CAPRIN2: variants seen among roughly 807,000 people sequenced by gnomAD.
CAPRIN2 encodes the protein caprin family member 2.
CAPRIN2 carries 66 observed loss-of-function variants against 130.4 expected under a neutral mutation model. That is an observed-to-expected ratio of 0.51 (90% confidence interval 0.42 to 0.62). CAPRIN2 has a LOEUF of 0.62. Among genes scored for constraint, CAPRIN2 ranks in the 20% least tolerant of loss-of-function variants. The pLI is 0.00. For missense variants in CAPRIN2, 1,185 were observed against 1,246.6 expected (o/e 0.95, Z 0.74); for synonymous variants, 471 against 444.1 (o/e 1.06, Z -0.76).
chr12:30,719,412 T>G, intron 12 of CAPRIN2, 187 bp from the exon 14 acceptor site: 1 of 610,772 alleles, frequency 1.6e-6, no homozygotes, highest in South Asian at 2.3e-5. Context: ...CAGTATTTGC[T>G]TTGCACAGCT....
intron 2 of CAPRIN2, among the ~76,000 whole-genome samples, chr12:30,748,352 T>C (rs1315468581): frequency 6.6e-6 from 1 of 152,212 alleles, no homozygotes; most frequent in East Asian, 1.9e-4. Context: ...CTGTCAGCAG[T>C]AATCAACACT....
exon 4 of CAPRIN2, chr12:30,735,202 A>G (rs780582529): frequency 1.2e-6 from 2 of 1,612,996 alleles, no homozygotes. Flanking sequence ...TTGCGCTTTT[A>G]GTAGCTGTTA....
chr12:30,723,908 CAA>C (rs1040327637), intron 10 of CAPRIN2, among the ~76,000 whole-genome samples: 4 of 152,166 alleles, frequency 2.6e-5, no homozygotes, highest in African/African-American at 9.7e-5. Flanking sequence ...TGGAGAGAAA[CAA>C]ATGTGGAGCA....
At position 30,730,244 on chromosome 12, in the gene CAPRIN2, G is replaced by A; in HGVS notation, c.1099C>T (p.Gln367Ter). 6.2e-7 allele frequency: 1 copy of A among 1,610,434 alleles called. No individual in the cohort carries two copies. Reference sequence around the variant, plus strand: ...ATTGTCTTTCAGTATCTTACCTCTTGTGGTTGTATCTCTGGCTGGGCAAAT... The same window carrying A: ...ATTGTCTTTCAGTATCTTACCTCTTATGGTTGTATCTCTGGCTGGGCAAAT... The change falls in exon 7 of 17, where the codon CAA becomes TAA. Residue 367 changes from glutamine to a stop codon, truncating the protein, a stop_gained. Transcript: ENST00000298892. LOFTEE classifies it high-confidence loss of function.
intron 11 of CAPRIN2, among the ~76,000 whole-genome samples, chr12:30,721,286 T>C (rs115620071): frequency 1.0e-3 from 155 of 152,310 alleles, no homozygotes; most frequent in African/African-American, 3.6e-3. Flanking sequence ...CTGTAGTAGA[T>C]AGCATTCACG....
chr12:30,753,700 T>C (rs748822869), exon 1 of CAPRIN2: 2 of 1,614,060 alleles, frequency 1.2e-6, no homozygotes, highest in Admixed American at 3.3e-5. Flanking sequence ...GACCACTCCC[T>C]TAAACTCTTT....
intron 15 of CAPRIN2, among the ~76,000 whole-genome samples, chr12:30,712,360 G>T (rs2055216148): frequency 6.6e-6 from 1 of 152,116 alleles, no homozygotes; most frequent in Non-Finnish European, 1.5e-5. Flanking sequence ...TCAGTTTCTT[G>T]TTCCTCAGGA....
At chr12:30,711,847 A>G (rs1033681595) in intron 15 of CAPRIN2, 4 of 670,724 alleles carry the variant, frequency 6.0e-6, no homozygotes, top group Non-Finnish European at 1.1e-5. Flanking sequence ...AACCTGACCA[A>G]TCAGATCTGT....
At position 30,710,909 on chromosome 12, in the gene CAPRIN2, G is replaced by A. The variant is rs2054196575; in HGVS notation, c.2666-439C>T. On this transcript the variant is annotated intron_variant, in intron 16 of 16. Transcript: ENST00000298892. This position sits in a 1 kb window ranked among gnomAD's most constrained non-coding sequence, Gnocchi z 4.8. ...AACTACTAGCCACTAGCCATTCAGA[G>A]ATATATTGATATGGAACTAAGTCCC... 6.6e-6 allele frequency among the ~76,000 whole-genome samples: 1 copy of A among 152,178 alleles called. No individual in the cohort carries two copies. The highest frequency in any genetic ancestry group is 6.5e-5 in the Admixed American group (1 of 15,272).
At chr12:30,730,989 C>T (rs2062487927) in intron 6 of CAPRIN2, among the ~76,000 whole-genome samples, 1 of 152,158 alleles carries the variant, frequency 6.6e-6, no homozygotes. Context: ...CATCCTCATT[C>T]CACTACAGTA....
chr12:30,747,453 A>G (rs6487938), intron 2 of CAPRIN2, among the ~76,000 whole-genome samples: 73,171 of 151,366 alleles, frequency 0.48, 18,153 homozygotes, highest in African/African-American at 0.56. Flanking sequence ...CGAGGCGGGC[A>G]GATCACCTGT....
At chr12:30,733,238 T>A (rs1437993539) in intron 5 of CAPRIN2, among the ~76,000 whole-genome samples, 1 of 152,154 alleles carries the variant, frequency 6.6e-6, no homozygotes, top group Non-Finnish European at 1.5e-5. Flanking sequence ...ATAAAACCAT[T>A]CATATATTCT....
intron 15 of CAPRIN2, among the ~76,000 whole-genome samples, chr12:30,712,498 A>G (rs960162339): frequency 5.9e-5 from 9 of 152,122 alleles, no homozygotes; most frequent in Admixed American, 5.9e-4. Flanking sequence ...AATAACATCT[A>G]ATATTTGCAC....
At chr12:30,717,434 G>C (rs773053254) in intron 12 of CAPRIN2, among the ~76,000 whole-genome samples, 3 of 152,120 alleles carry the variant, frequency 2.0e-5, no homozygotes, top group Non-Finnish European at 2.9e-5. Context: ...GTTACAAACA[G>C]GAAGTTATTG....
chr12:30,741,835 A>C (rs1046084639), intron 2 of CAPRIN2, among the ~76,000 whole-genome samples: 1 of 152,168 alleles, frequency 6.6e-6, no homozygotes, highest in Non-Finnish European at 1.5e-5. Flanking sequence ...ACATGTCCAC[A>C]TAAAGACTTG....
chr12:30,731,034 T>C (rs1032659829), intron 6 of CAPRIN2, among the ~76,000 whole-genome samples: 6 of 152,314 alleles, frequency 3.9e-5, no homozygotes, highest in Admixed American at 3.3e-4. Flanking sequence ...GTAAACAATT[T>C]TAAACAGAAT....
At chr12:30,725,924 A>G in intron 9 of CAPRIN2, 42 bp downstream of exon 10, 2 of 1,451,158 alleles carry the variant, frequency 1.4e-6, no homozygotes, top group Non-Finnish European at 1.8e-6. Context: ...TCCAGTCAGA[A>G]GCCCCATGAA....
intron 5 of CAPRIN2, among the ~76,000 whole-genome samples, chr12:30,732,345 T>C (rs1264880573): frequency 6.6e-6 from 1 of 152,042 alleles, no homozygotes. Flanking sequence ...ATGACATAGA[T>C]TTTGAGTCTA....
exon 14 of CAPRIN2, chr12:30,715,125 A>G (rs1018502751): frequency 6.2e-7 from 1 of 1,613,912 alleles, no homozygotes; most frequent in Admixed American, 1.7e-5. Context: ...GAATAGTTCC[A>G]TCAGGATGAT....
Sources: gnomAD v4.1 joint callset for allele counts (sites outside exome capture counted in the v4.1 genomes callset) on GRCh38, gnomAD v4.1.1 for gene constraint, Gnocchi (gnomAD v3.1) non-coding constraint, MANE v1.5 for transcripts, NCBI Gene and HGNC (gene_info 2026-07-23, HGNC 2026-07-21) for gene names.